The following RAB26 variants were observed in gnomAD, a reference collection of about 807,000 sequenced individuals.
RAB26 encodes the protein RAB26, member RAS oncogene family, also known as ras-related protein Rab-26.
A neutral mutation model predicts 33.1 loss-of-function variants in RAB26; 39 were observed. That is an observed-to-expected ratio of 1.18 (90% CI 0.91 to 1.54). The LOEUF (loss-of-function observed/expected upper bound fraction) is 1.54, where lower values mean the gene tolerates loss of function less well. Ranked by LOEUF, RAB26 falls within the 40% of genes most tolerant of loss-of-function variation. The probability of loss-of-function intolerance (pLI) is 0.00; values close to 1 mark genes in which losing one functional copy is unlikely to be tolerated. For missense variants in RAB26, 468 were observed against 362.9 expected (o/e 1.29, Z -2.35); for synonymous variants, 192 against 151.9 (o/e 1.26, Z -1.94).
At position 2,151,703 on chromosome 16, in the gene RAB26, C is replaced by T; in HGVS notation, c.357C>T (p.Asp119=). 2.5e-6 allele frequency: 4 copies of T among 1,613,998 alleles called. No individual in the cohort carries two copies. The highest frequency in any genetic ancestry group is 3.4e-6 in the Non-Finnish European group (4 of 1,180,034). Residue 119 remains aspartate (D), a synonymous_variant, in exon 4 of 9, where the codon GAC becomes GAT. Coordinates refer to ENST00000210187, the MANE Select transcript of RAB26 (RefSeq NM_014353.5). ...AGTGCCTGTCGCTGCAGATGTGGGACACAGCTGGTCAGGAGCGGTTCCGCA... is the reference window on the plus strand; with the variant it reads ...AGTGCCTGTCGCTGCAGATGTGGGATACAGCTGGTCAGGAGCGGTTCCGCA... ...DGVKVKLQMW[D]TAGQERFRSV...
chr16:2,149,058 G>A (rs899974783), intron 1 of RAB26, 80 bp downstream of exon 1: 2 of 1,230,506 alleles, frequency 1.6e-6, no homozygotes, highest in East Asian at 6.4e-5. Flanking sequence ...CGGACAGGGG[G>A]TGCAGGGCCC....
chr16:2,152,753 G>A (rs2093009821), intron 5 of RAB26, 67 bp from the exon 6 acceptor site: 6 of 1,448,796 alleles, frequency 4.1e-6, no homozygotes, highest in African/African-American at 1.4e-5. Flanking sequence ...TGACCTGGAG[G>A]GCCAAAGTTC....
Position 2,153,775 on chromosome 16 carries a change from T to A in RAB26, c.*354T>A. On this transcript the variant is annotated 3_prime_UTR_variant, in exon 9 of 9. Transcript: ENST00000210187. ...ACAGTGCCTAACCCTAGAAAAGCCA[T>A]GTCTTCAGCCGCACATGCTCAGGCA... 2.0e-6 allele frequency: 1 copy of A among 489,234 alleles called. No individual in the cohort carries two copies. Among genetic ancestry groups the A allele is most frequent in the Non-Finnish European group, 4.0e-6 (1 of 249,034 alleles). 30.3% of individuals were successfully genotyped at this position (489,234 alleles called of 1,614,324 possible).
At chr16:2,151,807 C>A (rs1292156050) in intron 4 of RAB26, 46 bp downstream of exon 4, 1 of 1,613,806 alleles carries the variant, frequency 6.2e-7, no homozygotes, top group African/African-American at 1.3e-5. Context: ...GGTCTGAGCA[C>A]CTGAGGGTGC....
intron 1 of RAB26, 48 bp downstream of exon 1, chr16:2,149,026 G>A: frequency 7.9e-7 from 1 of 1,258,300 alleles, no homozygotes; most frequent in African/African-American, 1.6e-5. Flanking sequence ...GTGGCGCCCG[G>A]CCTGAGCCAA....
intron 1 of RAB26, among the ~76,000 whole-genome samples, chr16:2,149,576 T>C (rs2092997906): frequency 6.6e-6 from 1 of 152,110 alleles, no homozygotes; most frequent in Non-Finnish European, 1.5e-5. Context: ...ATGTCCCTAC[T>C]GGGATGTGGA....
chr16:2,149,008 C>T, intron 1 of RAB26, 30 bp downstream of exon 1: 2 of 1,264,486 alleles, frequency 1.6e-6, no homozygotes, highest in Non-Finnish European at 1.0e-6. Context: ...CCCAGGCCAG[C>T]GCAGCAGGTG....
At chr16:2,149,875 A>G in intron 1 of RAB26, 66 bp from the exon 2 acceptor site, 2 of 1,273,280 alleles carry the variant, frequency 1.6e-6, no homozygotes, top group Non-Finnish European at 2.1e-6. Flanking sequence ...CCTCACCTGC[A>G]GCCCCCTTCT....
intron 2 of RAB26, among the ~76,000 whole-genome samples, chr16:2,150,688 C>A (rs2093002159): frequency 2.0e-5 from 3 of 151,582 alleles, no homozygotes; most frequent in Non-Finnish European, 4.4e-5. Context: ...CCGAGGGGGG[C>A]AGGCCAGTCC....
intron 1 of RAB26, among the ~76,000 whole-genome samples, chr16:2,149,573 T>C (rs1218010238): frequency 6.6e-6 from 1 of 152,098 alleles, no homozygotes; most frequent in Non-Finnish European, 1.5e-5. Flanking sequence ...GTCATGTCCC[T>C]ACTGGGATGT....
At position 2,148,749 on chromosome 16, in the gene RAB26, G is replaced by T. The variant is rs1284758603; in HGVS notation, c.-35G>T. The T allele has an allele frequency of 4.7e-6, 6 of 1,270,678 alleles. No homozygotes were observed. Among genetic ancestry groups the T allele is most frequent in the Non-Finnish European group, 5.9e-6 (6 of 1,012,282 alleles). 78.7% of individuals were successfully genotyped at this position (1,270,678 alleles called of 1,614,324 possible). On this transcript the variant is annotated 5_prime_UTR_variant, in exon 1 of 9. Coordinates refer to ENST00000210187, the MANE Select transcript of RAB26 (RefSeq NM_014353.5). ...GGTGCGGGACGGCCCAGGGCACGGC[G>T]GCTGCAGCGGGAGCACACTGAGCGC...
chr16:2,152,547 T>C (rs1206651998), intron 5 of RAB26, among the ~76,000 whole-genome samples: 1 of 151,790 alleles, frequency 6.6e-6, no homozygotes, highest in Non-Finnish European at 1.5e-5. Context: ...GGTGCGTAAC[T>C]GTAATCCCAG....
Position 2,148,878 on chromosome 16 carries a change from G to C in RAB26, c.95G>C (p.Gly32Ala). Residue 32 changes from glycine to alanine, a missense_variant, in exon 1 of 9, where the codon GGG (glycine) becomes GCG (alanine). Transcript: ENST00000210187. ...AACGGGGCCCGACCGGCGCGCTCCG[G>C]GACTGCGCTTTCCGGCCCCGACGCG... ...TANGARPARS[G>A]TALSGPDAPP... 4 of 1,378,066 alleles carry C rather than the reference G, an allele frequency of 2.9e-6. No individual in the cohort carries two copies. Among genetic ancestry groups the C allele is most frequent in the Non-Finnish European group, 2.8e-6 (3 of 1,062,340 alleles). The allele number at this position is 1,378,066 out of a possible 1,614,324, so 85.4% of individuals were successfully genotyped here. A position where few individuals can be genotyped will look rare whatever the true frequency, so the allele number is the denominator to read the frequency against.
chr16:2,150,212 C>T (rs2093000372), intron 2 of RAB26, among the ~76,000 whole-genome samples, 161 bp downstream of exon 2: 1 of 152,250 alleles, frequency 6.6e-6, no homozygotes, highest in Admixed American at 6.5e-5. Flanking sequence ...ACCCGACAAG[C>T]ATAGTTAGTT....
chr16:2,152,737 A>T, intron 5 of RAB26, 83 bp from the exon 6 acceptor site: 1 of 1,090,950 alleles, frequency 9.2e-7, no homozygotes, highest in Non-Finnish European at 1.3e-6. Flanking sequence ...GGTGCCCTCT[A>T]CAGTGTGACC....
Position 2,153,368 on chromosome 16 carries a change from C to G in RAB26, c.718C>G (p.Leu240Val). 1 of 1,613,552 alleles carries G rather than the reference C, an allele frequency of 6.2e-7. No individual in the cohort carries two copies. Reference sequence around the variant, plus strand: ...GGCTCCCAGCGAGCCGCGCTTCCGGCTGCATGATTACGTTAAGAGGGAGGG... The same window carrying G: ...GGCTCCCAGCGAGCCGCGCTTCCGGGTGCATGATTACGTTAAGAGGGAGGG... Reference protein sequence around the residue: ...MKAPSEPRFRLHDYVKREGRG... With the variant: ...MKAPSEPRFRVHDYVKREGRG... The change falls in exon 9 of 9, where the codon CTG becomes GTG. Residue 240 changes from leucine (L) to valine (V), a missense_variant. Transcript: ENST00000210187.
intron 8 of RAB26, 42 bp from the exon 9 acceptor site, chr16:2,153,277 G>A (rs2093012773): frequency 1.2e-6 from 2 of 1,613,446 alleles, no homozygotes; most frequent in South Asian, 2.2e-5. Context: ...ATCCTCATTA[G>A]AGTCCAGGCC....
intron 1 of RAB26, 104 bp from the exon 2 acceptor site, chr16:2,149,837 G>T: frequency 1.2e-6 from 1 of 841,546 alleles, no homozygotes. Flanking sequence ...GAGCCTGCAG[G>T]CCTGGGCTGC....
At chr16:2,150,218 T>A (rs1216148828) in intron 2 of RAB26, among the ~76,000 whole-genome samples, 167 bp downstream of exon 2, 2 of 152,210 alleles carry the variant, frequency 1.3e-5, no homozygotes, top group Non-Finnish European at 2.9e-5. Context: ...CAAGCATAGT[T>A]AGTTGCCCTA....
Sources: allele counts gnomAD v4.1 joint callset (sites outside exome capture counted in the v4.1 genomes callset), GRCh38; gene constraint gnomAD v4.1.1; transcripts MANE v1.5; gene names NCBI Gene and HGNC (gene_info 2026-07-23, HGNC 2026-07-21).